Variants in ROBO2 observed in about 807,000 individuals in gnomAD.
ROBO2 encodes the protein roundabout guidance receptor 2, also known as roundabout homolog 2.
Under a neutral mutation model 160.8 loss-of-function variants are expected in ROBO2, and 53 were observed. The observed-to-expected ratio is 0.33, with a 90% confidence interval of 0.26 to 0.41. The LOEUF (loss-of-function observed/expected upper bound fraction) is 0.41. Among genes scored for constraint, ROBO2 ranks in the 10% least tolerant of loss-of-function variants. The pLI, the probability that ROBO2 is intolerant of heterozygous loss-of-function variation, is 1.00. For synonymous variants in ROBO2, 664 were observed against 611.7 expected (o/e 1.09, Z -1.26); for missense variants, 1,577 against 1,722.4 (o/e 0.92, Z 1.49).
chr3:76,668,899 C>T (rs1316979251), intron 2 of ROBO2, among the ~76,000 whole-genome samples: 1 of 152,080 alleles, frequency 6.6e-6, no homozygotes, highest in Non-Finnish European at 1.5e-5. Flanking sequence ...GTGGTTTCAT[C>T]TTTCTTTGGA....
chr3:77,617,744 C>T (rs1559738665), exon 22 of ROBO2: 3 of 1,613,712 alleles, frequency 1.9e-6, no homozygotes, highest in Non-Finnish European at 2.5e-6. Context: ...TGACAAGAGC[C>T]TATCAGTTTG....
intron 2 of ROBO2, among the ~76,000 whole-genome samples, chr3:77,442,284 C>T (rs1357265983): frequency 2.0e-5 from 3 of 151,810 alleles, no homozygotes; most frequent in Non-Finnish European, 2.9e-5. Flanking sequence ...TGAACTCCAG[C>T]CTGGGCGACA....
chr3:76,421,365 A>C (rs2108927193), intron 2 of ROBO2, among the ~76,000 whole-genome samples: 1 of 152,326 alleles, frequency 6.6e-6, no homozygotes, highest in Non-Finnish European at 1.5e-5. Context: ...ATCGTTAATT[A>C]TTTTTAAAAT....
chr3:77,183,677 C>G (rs1428132750), intron 2 of ROBO2, among the ~76,000 whole-genome samples: 1 of 151,762 alleles, frequency 6.6e-6, no homozygotes, highest in East Asian at 1.9e-4. Context: ...TTATGGCATC[C>G]CCAGCCAACT....
intron 1 of ROBO2, among the ~76,000 whole-genome samples, chr3:77,051,454 A>C (rs1578541140): frequency 6.6e-6 from 1 of 152,096 alleles, no homozygotes; most frequent in Admixed American, 6.6e-5. Flanking sequence ...CCAGGCTGGG[A>C]ATTCTTATTA....
intron 2 of ROBO2, among the ~76,000 whole-genome samples, chr3:75,956,733 G>A (rs958089943): frequency 6.6e-6 from 1 of 151,716 alleles, no homozygotes; most frequent in African/African-American, 2.4e-5. Flanking sequence ...GCAGGCAAGG[G>A]TTCTTTTATT....
At chr3:77,065,149 A>G (rs1457304045) in intron 1 of ROBO2, among the ~76,000 whole-genome samples, 1 of 152,192 alleles carries the variant, frequency 6.6e-6, no homozygotes, top group Non-Finnish European at 1.5e-5. Context: ...ATGTTTAGTA[A>G]TACTATCACA....
intron 16 of ROBO2, among the ~76,000 whole-genome samples, chr3:77,582,393 T>C (rs1228477867): frequency 1.3e-5 from 2 of 152,074 alleles, no homozygotes; most frequent in Non-Finnish European, 2.9e-5. Flanking sequence ...CCAGTCTTGT[T>C]TTTTTTTAAT....
At chr3:77,428,942 A>G (rs1425747614) in intron 2 of ROBO2, among the ~76,000 whole-genome samples, 1 of 152,196 alleles carries the variant, frequency 6.6e-6, no homozygotes, top group African/African-American at 2.4e-5. Context: ...AGTTTATTGA[A>G]GAGAAAGTCA....
At chr3:76,283,245 C>T (rs764053785) in intron 2 of ROBO2, among the ~76,000 whole-genome samples, 23 of 144,114 alleles carry the variant, frequency 1.6e-4, no homozygotes, top group East Asian at 4.2e-4. Context: ...GACATATTTA[C>T]GCTGTCTTAT....
At chr3:76,128,545 C>T (rs901554679) in intron 2 of ROBO2, among the ~76,000 whole-genome samples, 17 of 151,512 alleles carry the variant, frequency 1.1e-4, no homozygotes, top group Non-Finnish European at 2.2e-4. Context: ...AATAACTAGT[C>T]GCTGTATCTA....
At chr3:77,308,358 T>A (rs898634655) in intron 2 of ROBO2, among the ~76,000 whole-genome samples, 7 of 152,046 alleles carry the variant, frequency 4.6e-5, no homozygotes, top group Admixed American at 2.0e-4. Flanking sequence ...AATAAAAGCA[T>A]AATAAAAGAT....
At chr3:76,994,586 A>G (rs991310224) in intron 2 of ROBO2, among the ~76,000 whole-genome samples, 6 of 152,224 alleles carry the variant, frequency 3.9e-5, no homozygotes, top group Non-Finnish European at 8.8e-5. Context: ...ATAGCAAGTA[A>G]GAAATTCTTA....
chr3:77,103,422 T>A (rs2072326582), intron 2 of ROBO2, among the ~76,000 whole-genome samples: 1 of 145,724 alleles, frequency 6.9e-6, no homozygotes, highest in African/African-American at 2.5e-5. Context: ...TTTTTTTTTC[T>A]TTTTTCTTAC....
intron 2 of ROBO2, among the ~76,000 whole-genome samples, chr3:76,671,519 C>T (rs1272128613): frequency 2.0e-5 from 3 of 152,058 alleles, no homozygotes; most frequent in African/African-American, 7.2e-5. Flanking sequence ...AATTTCAAAG[C>T]ATAGATATGA....
intron 2 of ROBO2, among the ~76,000 whole-genome samples, chr3:76,852,057 T>C (rs2069458988): frequency 6.6e-6 from 1 of 152,102 alleles, no homozygotes; most frequent in Admixed American, 6.5e-5. Flanking sequence ...AAAACCTGAG[T>C]TATCATCTCC....
chr3:76,962,334 AAAAAC>A, intron 2 of ROBO2, among the ~76,000 whole-genome samples: 1 of 151,842 alleles, frequency 6.6e-6, no homozygotes, highest in Non-Finnish European at 1.5e-5. Flanking sequence ...ATTCCATTAA[AAAAAC>A]AAACAAACAA....
intron 2 of ROBO2, among the ~76,000 whole-genome samples, chr3:76,677,371 A>G (rs2092437163): frequency 6.6e-6 from 1 of 152,222 alleles, no homozygotes; most frequent in Non-Finnish European, 1.5e-5. Context: ...GCACAAGAGA[A>G]GTTAAAATTA....
At chr3:77,311,683 G>T (rs1239586414) in intron 2 of ROBO2, among the ~76,000 whole-genome samples, 1 of 152,166 alleles carries the variant, frequency 6.6e-6, no homozygotes, top group Non-Finnish European at 1.5e-5. Context: ...GGTTCTTGTT[G>T]TATGTTAGTA....
Sources: allele counts gnomAD v4.1 joint callset (sites outside exome capture counted in the v4.1 genomes callset), GRCh38; gene constraint gnomAD v4.1.1; transcripts MANE v1.5; gene names NCBI Gene and HGNC (gene_info 2026-07-23, HGNC 2026-07-21).